The following GATAD2A variants were observed in gnomAD, a reference collection of about 807,000 sequenced individuals.
GATAD2A encodes the protein transcriptional repressor p66-alpha.
A neutral mutation model predicts 68.5 loss-of-function variants in GATAD2A; 12 were observed. That is an observed-to-expected ratio of 0.18 (90% CI 0.11 to 0.28). The LOEUF (loss-of-function observed/expected upper bound fraction) is 0.28, where lower values mean the gene tolerates loss of function less well. GATAD2A is among the 10% of genes least tolerant of loss of function. The pLI is 1.00. For missense variants in GATAD2A, 755 were observed against 868.5 expected, an observed-to-expected ratio of 0.87 and a Z score of 1.64; for synonymous variants, 410 against 375.3, an observed-to-expected ratio of 1.09 and a Z score of -1.07.
In GATAD2A at chr19:19,494,877, A is replaced by C. The variant is rs1316275028; in HGVS notation, c.624+494A>C. Among the ~76,000 whole-genome samples the C allele has an allele frequency of 3.9e-5, 6 of 152,170 alleles. No homozygotes were observed. The South Asian group carries it at 8.3e-4, about 21-fold the overall frequency. On this transcript the variant is annotated intron_variant, in intron 5 of 11. Coordinates refer to ENST00000683918, the MANE Select transcript of GATAD2A (RefSeq NM_001384528.1). ...CAGTGTCACGTGAGAATGAACTGCCACGTTGGTGGGACTCACTCAGGAGTG... is the reference window on the plus strand; with the variant it reads ...CAGTGTCACGTGAGAATGAACTGCCCCGTTGGTGGGACTCACTCAGGAGTG...
upstream of GATAD2A, chr19:19,401,905 G>A (rs2049786544): frequency 6.6e-6 from 1 of 152,088 alleles, no homozygotes; most frequent in African/African-American, 2.4e-5. Flanking sequence ...AGTTGTATAG[G>A]GACAGGCTCA....
chr19:19,469,883 G>A (rs941873978), intron 2 of GATAD2A, among the ~76,000 whole-genome samples: 3 of 151,832 alleles, frequency 2.0e-5, no homozygotes, highest in Non-Finnish European at 4.4e-5. Context: ...TGAAGCGGAG[G>A]TTGCAGTAAG....
chr19:19,423,006 C>T (rs765076889), intron 1 of GATAD2A, among the ~76,000 whole-genome samples: 5 of 151,956 alleles, frequency 3.3e-5, no homozygotes, highest in African/African-American at 4.8e-5. Context: ...CCACTGCGCC[C>T]GGCCTTTTGT....
chr19:19,440,211 T>C (rs980095249), intron 1 of GATAD2A: 13 of 347,102 alleles, frequency 3.7e-5, no homozygotes, highest in African/African-American at 6.7e-5. Context: ...CTGTCACTTA[T>C]CTAAGGAAAG....
chr19:19,503,656 G>GTGTA lies in GATAD2A; in HGVS notation c.1774+1133_1774+1134insATGT, dbSNP rs1364995333. Among the ~76,000 whole-genome samples the GTGTA allele has an allele frequency of 5.3e-5, 8 of 151,890 alleles. No homozygotes were observed. In the South Asian group the frequency reaches 1.7e-3, roughly 32 times the overall value. ...AGTCATCTGGAAGCTGTGTGTGTGT[G>GTGTA]TGTGTGTGTGTGTGTGTTTAAAGTT... On this transcript the variant is annotated intron_variant, in intron 11 of 11. Coordinates refer to ENST00000683918, the MANE Select transcript of GATAD2A (RefSeq NM_001384528.1).
At chr19:19,411,986 C>T (rs1464372907) in intron 1 of GATAD2A, among the ~76,000 whole-genome samples, 1 of 152,042 alleles carries the variant, frequency 6.6e-6, no homozygotes, top group South Asian at 2.1e-4. Context: ...CGTCTGTAAT[C>T]CTAGCACTTT....
intron 1 of GATAD2A, among the ~76,000 whole-genome samples, chr19:19,429,416 G>A (rs1240953343): frequency 6.6e-6 from 1 of 152,134 alleles, no homozygotes; most frequent in African/African-American, 2.4e-5. Flanking sequence ...GGTGGTTGGA[G>A]CGGGAGCATG....
chr19:19,475,959 C>T (rs1318068628), intron 2 of GATAD2A, among the ~76,000 whole-genome samples: 1 of 152,228 alleles, frequency 6.6e-6, no homozygotes, highest in South Asian at 2.1e-4. Context: ...AGGGCCGTAG[C>T]ATGAGCCGGC....
chr19:19,431,224 C>G (rs1021167240), intron 1 of GATAD2A, among the ~76,000 whole-genome samples: 5 of 151,192 alleles, frequency 3.3e-5, no homozygotes, highest in Non-Finnish European at 7.4e-5. Context: ...TAGTGGAAAG[C>G]GATTACAGTG....
At chr19:19,428,942 C>T (rs2053409991) in intron 1 of GATAD2A, among the ~76,000 whole-genome samples, 2 of 151,948 alleles carry the variant, frequency 1.3e-5, no homozygotes, top group South Asian at 4.1e-4. Context: ...GTGCCCATGG[C>T]TGTAGTCTTG....
chr19:19,419,324 C>T (rs2052047336), intron 1 of GATAD2A, among the ~76,000 whole-genome samples: 1 of 152,142 alleles, frequency 6.6e-6, no homozygotes, highest in African/African-American at 2.4e-5. Flanking sequence ...CCCCTTCCTG[C>T]ATCTCGTACA....
intron 2 of GATAD2A, among the ~76,000 whole-genome samples, chr19:19,471,730 G>T (rs1295557718): frequency 6.6e-6 from 1 of 152,196 alleles, no homozygotes; most frequent in Admixed American, 6.5e-5. Flanking sequence ...TTTGGTTTCT[G>T]TTGTGGCATC....
intron 1 of GATAD2A, among the ~76,000 whole-genome samples, chr19:19,418,640 A>T (rs1005430830): frequency 6.6e-6 from 1 of 152,148 alleles, no homozygotes; most frequent in Non-Finnish European, 1.5e-5. Flanking sequence ...TTCCAGAAAG[A>T]CCCAGAGCGA....
At chr19:19,470,151 T>G (rs936669932) in intron 2 of GATAD2A, among the ~76,000 whole-genome samples, 58 of 137,458 alleles carry the variant, frequency 4.2e-4, no homozygotes, top group East Asian at 4.0e-4. Context: ...TTATTTTTTT[T>G]TTTGTTTTTT....
intron 1 of GATAD2A, among the ~76,000 whole-genome samples, chr19:19,422,489 C>T (rs2052541957): frequency 6.6e-6 from 1 of 152,204 alleles, no homozygotes; most frequent in Non-Finnish European, 1.5e-5. Flanking sequence ...CCTTCTGTGA[C>T]ATCTAAGACT....
At chr19:19,482,503 C>T (rs1003241999) in intron 2 of GATAD2A, among the ~76,000 whole-genome samples, 1 of 152,242 alleles carries the variant, frequency 6.6e-6, no homozygotes, top group Admixed American at 6.5e-5. Context: ...CCCCAGGGTC[C>T]TGGCACAGTG....
At chr19:19,424,084 C>T (rs942502559) in intron 1 of GATAD2A, among the ~76,000 whole-genome samples, 1 of 151,866 alleles carries the variant, frequency 6.6e-6, no homozygotes, top group Admixed American at 6.6e-5. Flanking sequence ...ACCACCACAC[C>T]CAGCTAGTTT....
At chr19:19,426,639 T>A (rs2053128049) in intron 1 of GATAD2A, among the ~76,000 whole-genome samples, 1 of 152,090 alleles carries the variant, frequency 6.6e-6, no homozygotes, top group South Asian at 2.1e-4. Flanking sequence ...GCCTCCCGAG[T>A]AGCTGAGACT....
chr19:19,502,817 A>G (rs1366754748), intron 11 of GATAD2A, among the ~76,000 whole-genome samples: 5 of 152,226 alleles, frequency 3.3e-5, no homozygotes. Context: ...ACAGCCATCC[A>G]TGTGGACTCT....
Sources: gnomAD v4.1 joint callset for allele counts (sites outside exome capture counted in the v4.1 genomes callset) on GRCh38, gnomAD v4.1.1 for gene constraint, MANE v1.5 for transcripts, NCBI Gene and HGNC (gene_info 2026-07-23, HGNC 2026-07-21) for gene names.